MARCHF10: variants seen among roughly 807,000 people sequenced by gnomAD.
MARCHF10 encodes the protein membrane associated ring-CH-type finger 10.
Under a neutral mutation model 76.2 loss-of-function variants are expected in MARCHF10, and 64 were observed. The ratio of observed to expected loss-of-function variants is 0.84; its 90% confidence interval spans 0.69 to 1.03. The LOEUF (loss-of-function observed/expected upper bound fraction) is 1.03, where lower values mean the gene tolerates loss of function less well. Ranked by LOEUF, MARCHF10 falls within the 50% of genes least tolerant of loss-of-function variation. The pLI, the probability that MARCHF10 is intolerant of heterozygous loss-of-function variation, is 0.00. For missense variants in MARCHF10, 875 were observed against 958.0 expected (o/e 0.91, Z 1.14); for synonymous variants, 340 against 357.5 (o/e 0.95, Z 0.55).
rs1598094027 is a variant in MARCHF10 at position 62,803,705 on chromosome 17, G to A, written c.-17-1953C>T. Among the ~76,000 whole-genome samples, 4 of 152,144 alleles carry A rather than the reference G, an allele frequency of 2.6e-5. No homozygotes were observed. The South Asian group carries it at 8.3e-4, about 32-fold the overall frequency. ...CGGCTAATTTTTTATTAGTAGAGGC[G>A]AGGTTTCACCATATCGGCCAGACTG... On this transcript the variant is annotated intron_variant, in intron 1 of 10. Coordinates refer to ENST00000311269, the MANE Select transcript of MARCHF10 (RefSeq NM_152598.4).
At position 62,736,553 on chromosome 17, in the gene MARCHF10, A is replaced by G. The variant is rs200331589; in HGVS notation, c.1315T>C (p.Tyr439His). ...GAACTGTTTAAATAGTCTTTCCAGT[A>G]TCCTTCAGAATCATGGGTGCCAGGC... ...HRPGTHDSEGYWKDYLNSSQN... is the reference protein window; with the variant it reads ...HRPGTHDSEGHWKDYLNSSQN... Residue 439 changes from tyrosine (Y) to histidine (H), a missense_variant, in exon 6 of 11, where the codon TAC becomes CAC. Physicochemically the swap from Tyr to His is moderately conservative, Grantham distance 83. Transcript: ENST00000311269. The G allele has an allele frequency of 2.5e-6, 4 of 1,614,230 alleles. No individual in the cohort carries two copies. Among genetic ancestry groups the G allele is most frequent in the Non-Finnish European group, 3.4e-6 (4 of 1,180,042 alleles).
At chr17:62,729,665 C>T (rs1480098373) in intron 6 of MARCHF10, among the ~76,000 whole-genome samples, 3 of 151,698 alleles carry the variant, frequency 2.0e-5, no homozygotes, top group Admixed American at 6.6e-5. Flanking sequence ...ACTCGACCTT[C>T]TGGGCTCAAG....
intron 2 of MARCHF10, among the ~76,000 whole-genome samples, chr17:62,793,768 C>CCACCTCCA (rs2092931784): frequency 6.6e-6 from 1 of 150,608 alleles, no homozygotes; most frequent in Non-Finnish European, 1.5e-5. Context: ...ATCACCACCA[C>CCACCTCCA]CACCTCCATC....
chr17:62,767,450 CTT>C (rs1555707309), intron 3 of MARCHF10, among the ~76,000 whole-genome samples: 7 of 134,782 alleles, frequency 5.2e-5, no homozygotes, highest in African/African-American at 5.5e-5. Flanking sequence ...GGTCTGTATT[CTT>C]TTTTTTTTTT....
At chr17:62,801,375 G>A (rs11868041) in intron 2 of MARCHF10, among the ~76,000 whole-genome samples, 78,065 of 151,344 alleles carry the variant, frequency 0.52, 21,115 homozygotes, top group East Asian at 0.69. Flanking sequence ...GGATGGTCTC[G>A]ATCTCCTGAC....
chr17:62,741,451 C>T (rs1341315499), intron 5 of MARCHF10, among the ~76,000 whole-genome samples: 2 of 152,190 alleles, frequency 1.3e-5, no homozygotes, highest in African/African-American at 4.8e-5. Context: ...ATGAAAGCAT[C>T]TCTCTCATAA....
At chr17:62,766,148 A>T (rs1761703245) in intron 3 of MARCHF10, among the ~76,000 whole-genome samples, 1 of 152,012 alleles carries the variant, frequency 6.6e-6, no homozygotes, top group Admixed American at 6.6e-5. Flanking sequence ...GTGAGCTGTG[A>T]TTGTGCCACT....
chr17:62,801,834 C>G, intron 1 of MARCHF10, 82 bp from the exon 2 acceptor site: 1 of 1,030,598 alleles, frequency 9.7e-7, no homozygotes, highest in Non-Finnish European at 1.5e-6. Flanking sequence ...CATCTAATTG[C>G]TTTTATTTGT....
chr17:62,758,303 C>T (rs528349342), intron 4 of MARCHF10, among the ~76,000 whole-genome samples: 5 of 152,078 alleles, frequency 3.3e-5, no homozygotes, highest in Admixed American at 2.6e-4. Flanking sequence ...GAGCTGAGAT[C>T]GTGCCACTGC....
chr17:62,744,283 C>T, intron 5 of MARCHF10, 93 bp downstream of exon 5: 2 of 1,347,034 alleles, frequency 1.5e-6, no homozygotes, highest in Non-Finnish European at 1.0e-6. Context: ...CTTAAAAGTA[C>T]AAGTATCTAA....
chr17:62,786,294 A>C (rs1202027418), intron 3 of MARCHF10, among the ~76,000 whole-genome samples: 1 of 150,918 alleles, frequency 6.6e-6, no homozygotes, highest in East Asian at 2.0e-4. Flanking sequence ...AGAAAACCAA[A>C]CACCACATGT....
intron 2 of MARCHF10, among the ~76,000 whole-genome samples, chr17:62,797,922 G>A (rs2093011726): frequency 6.6e-6 from 1 of 151,242 alleles, no homozygotes. Flanking sequence ...ATACTTGGCA[G>A]GACTTGGTAA....
rs538216048 is a variant in MARCHF10 at position 62,701,493 on chromosome 17, A to G, written c.*210T>C. On this transcript the variant is annotated 3_prime_UTR_variant, in exon 11 of 11. Coordinates refer to ENST00000311269, the MANE Select transcript of MARCHF10 (RefSeq NM_152598.4). ...GGGCTCCACAGTCCCACGCTGCTTG[A>G]CCTGTGCTGTCTGGGACTAGACTGG... 3 of 1,155,058 alleles carry G rather than the reference A, an allele frequency of 2.6e-6. No homozygotes were observed. In the African/African-American group the frequency reaches 4.6e-5, roughly 18 times the overall value. The allele number at this position is 1,155,058 out of a possible 1,614,324, so 71.6% of individuals were successfully genotyped here.
chr17:62,735,923 G>A lies in MARCHF10; in HGVS notation c.1937+8C>T. 2.5e-6 allele frequency: 4 copies of A among 1,591,660 alleles called. No homozygotes were observed. Among genetic ancestry groups the A allele is most frequent in the Non-Finnish European group, 3.4e-6 (4 of 1,174,968 alleles). On this transcript the variant is annotated splice_region_variant and intron_variant, in intron 6 of 10. Transcript: ENST00000311269. The stretch of plus-strand genomic sequence containing the variant: ...TGGAAAAAATATATAATTATGAAAA[G>A]TCCTCACCTTTCTTGCAATTTCTTG...
chr17:62,782,328 G>A (rs2092672929), intron 3 of MARCHF10, among the ~76,000 whole-genome samples: 1 of 146,620 alleles, frequency 6.8e-6, no homozygotes, highest in Non-Finnish European at 1.5e-5. Flanking sequence ...TACTCTGAAG[G>A]TTTGCAAACA....
chr17:62,762,395 A>C (rs1361044023), intron 3 of MARCHF10, among the ~76,000 whole-genome samples: 1 of 152,230 alleles, frequency 6.6e-6, no homozygotes, highest in Non-Finnish European at 1.5e-5. Flanking sequence ...ATCAGTTGTA[A>C]ACCGAAGGTA....
intron 3 of MARCHF10, among the ~76,000 whole-genome samples, chr17:62,765,084 C>T (rs149660954): frequency 4.6e-5 from 7 of 152,218 alleles, no homozygotes; most frequent in East Asian, 1.9e-4. Context: ...CTGTGGTTCA[C>T]GCTTGTAATC....
chr17:62,740,791 T>C (rs542791590), intron 5 of MARCHF10, among the ~76,000 whole-genome samples: 4 of 152,158 alleles, frequency 2.6e-5, no homozygotes, highest in East Asian at 1.9e-4. Flanking sequence ...CACACCTGGC[T>C]CATTTTAAAA....
chr17:62,783,914 G>C (rs992784141), intron 3 of MARCHF10, among the ~76,000 whole-genome samples: 4 of 152,202 alleles, frequency 2.6e-5, no homozygotes, highest in African/African-American at 7.2e-5. Flanking sequence ...TCCAGGACCA[G>C]ATGGATTCAC....
Sources: allele counts gnomAD v4.1 joint callset (sites outside exome capture counted in the v4.1 genomes callset), GRCh38; gene constraint gnomAD v4.1.1; transcripts MANE v1.5; gene names NCBI Gene and HGNC (gene_info 2026-07-23, HGNC 2026-07-21).